EGFLAM: variants seen among roughly 807,000 people sequenced by gnomAD.
EGFLAM encodes EGF like, fibronectin type III and laminin G domains, also known as pikachurin.
A neutral mutation model predicts 113.1 loss-of-function variants in EGFLAM; 79 were observed. The ratio of observed to expected loss-of-function variants is 0.70; its 90% CI spans 0.58 to 0.84. The LOEUF is 0.84. EGFLAM is among the 40% of genes least tolerant of loss of function. The pLI is 0.00. For missense variants in EGFLAM, 1,265 were observed against 1,291.6 expected (o/e 0.98, Z 0.32); for synonymous variants, 504 against 487.6 (o/e 1.03, Z -0.44).
intron 17 of EGFLAM, chr5:38,445,458 A>G (rs1166643015): frequency 5.7e-6 from 8 of 1,409,900 alleles, no homozygotes; most frequent in Non-Finnish European, 7.4e-6. Flanking sequence ...AGAGGTGAGG[A>G]GGCGGGTGGC....
intron 1 of EGFLAM, among the ~76,000 whole-genome samples, chr5:38,324,726 A>C (rs1433312088): frequency 1.3e-5 from 2 of 152,160 alleles, no homozygotes; most frequent in Admixed American, 1.3e-4. Flanking sequence ...GTGGAAAGGG[A>C]AACCGTATCT....
intron 12 of EGFLAM, among the ~76,000 whole-genome samples, chr5:38,422,071 G>A (rs1262337797): frequency 6.6e-6 from 1 of 152,116 alleles, no homozygotes; most frequent in Non-Finnish European, 1.5e-5. Context: ...GTGGGCCTCG[G>A]TTACGGACTA....
At chr5:38,272,967 C>T (rs1010082316) in intron 1 of EGFLAM, among the ~76,000 whole-genome samples, 1 of 151,944 alleles carries the variant, frequency 6.6e-6, no homozygotes, top group Non-Finnish European at 1.5e-5. Flanking sequence ...ATAGGACTCT[C>T]CAGCAATCAT....
chr5:38,310,612 C>T (rs1317387144), intron 1 of EGFLAM, among the ~76,000 whole-genome samples: 1 of 151,760 alleles, frequency 6.6e-6, no homozygotes, highest in Non-Finnish European at 1.5e-5. Flanking sequence ...TATGATTTAA[C>T]TCCCAAAAAG....
At chr5:38,314,457 T>C (rs1024803781) in intron 1 of EGFLAM, among the ~76,000 whole-genome samples, 3 of 152,190 alleles carry the variant, frequency 2.0e-5, no homozygotes, top group Non-Finnish European at 2.9e-5. Context: ...ATGTGGGCAG[T>C]AGACGTATGC....
chr5:38,451,340 T>C lies in EGFLAM; in HGVS notation c.2569T>C (p.Phe857Leu). 1 of 1,614,204 alleles carries C rather than the reference T, an allele frequency of 6.2e-7. No homozygotes were observed. Among genetic ancestry groups the C allele is most frequent in the South Asian group, 1.1e-5 (1 of 91,082 alleles). Residue 857 changes from phenylalanine (F) to leucine (L), a missense_variant, in exon 19 of 22, where the codon TTC becomes CTC. Physicochemically the swap from Phe to Leu is conservative, Grantham distance 22. Transcript: ENST00000322350. Reference sequence around the variant, plus strand: ...GGTGTCAGGATCAAGATCAAATGTGTTCATGAGGTTTAAAACAACTGCCAA... The same window carrying C: ...GGTGTCAGGATCAAGATCAAATGTGCTCATGAGGTTTAAAACAACTGCCAA... ...KRVSGSRSNV[F>L]MRFKTTAKDG...
intron 17 of EGFLAM, among the ~76,000 whole-genome samples, chr5:38,447,362 C>A (rs1032933377): frequency 2.0e-5 from 3 of 152,292 alleles, no homozygotes; most frequent in East Asian, 1.9e-4. Flanking sequence ...GCAAATCCTC[C>A]ATGCTTTCTA....
rs951899665 is a variant in EGFLAM at position 38,445,407 on chromosome 5, C to T, written c.2465-2894C>T. On this transcript the variant is annotated intron_variant, in intron 17 of 21. Transcript: ENST00000322350. ...GTGTCAGACAGCTGATTCTAAACAT[C>T]TTCTTGGTCCACCGCCACGCCCACC... is the stretch of plus-strand genomic sequence containing the variant. The T allele has an allele frequency of 2.6e-5, 32 of 1,215,392 alleles. No individual in the cohort carries two copies. The South Asian group carries it at 6.2e-4, about 24-fold the overall frequency. The allele number at this position is 1,215,392 out of a possible 1,614,324, so 75.3% of individuals were successfully genotyped here.
At chr5:38,354,413 T>C (rs571080172) in intron 5 of EGFLAM, among the ~76,000 whole-genome samples, 1 of 152,292 alleles carries the variant, frequency 6.6e-6, no homozygotes, top group East Asian at 1.9e-4. Context: ...AAGCAAGATG[T>C]AATACTTTAA....
intron 1 of EGFLAM, among the ~76,000 whole-genome samples, chr5:38,310,236 T>TTG: frequency 6.6e-6 from 1 of 152,232 alleles, no homozygotes; most frequent in South Asian, 2.1e-4. Flanking sequence ...TGTTTTGCTC[T>TTG]GAGGTTGCTT....
intron 5 of EGFLAM, 81 bp from the exon 6 acceptor site, chr5:38,370,215 A>G (rs999502939): frequency 2.1e-6 from 3 of 1,420,572 alleles, no homozygotes; most frequent in Admixed American, 1.8e-5. Context: ...TTCAAATGCT[A>G]TTAGTTTACA....
chr5:38,267,150 A>G (rs74449617), intron 1 of EGFLAM, among the ~76,000 whole-genome samples: 47 of 152,328 alleles, frequency 3.1e-4, no homozygotes, highest in African/African-American at 1.1e-3. Flanking sequence ...CCTTATCTAA[A>G]GACACTTGAC....
chr5:38,325,427 C>G (rs983286524), intron 1 of EGFLAM, among the ~76,000 whole-genome samples: 1 of 152,198 alleles, frequency 6.6e-6, no homozygotes, highest in Non-Finnish European at 1.5e-5. Context: ...ACAAAGGAAA[C>G]AGACAAAGAT....
chr5:38,348,425 C>A (rs563124192), intron 3 of EGFLAM, among the ~76,000 whole-genome samples: 9 of 151,980 alleles, frequency 5.9e-5, no homozygotes, highest in African/African-American at 2.2e-4. Context: ...AGGAGGAACA[C>A]GAGAAGTAGA....
At chr5:38,262,602 C>G (rs1265674125) in intron 1 of EGFLAM, among the ~76,000 whole-genome samples, 1 of 152,168 alleles carries the variant, frequency 6.6e-6, no homozygotes, top group East Asian at 1.9e-4. Context: ...TGTGTCCACC[C>G]TCTGTCGCAT....
chr5:38,365,114 C>G (rs1740025422), intron 5 of EGFLAM, among the ~76,000 whole-genome samples: 1 of 152,184 alleles, frequency 6.6e-6, no homozygotes, highest in East Asian at 1.9e-4. Flanking sequence ...ATTTTCCTAG[C>G]AGGATTTAAC....
At chr5:38,306,453 A>G (rs963422037) in intron 1 of EGFLAM, among the ~76,000 whole-genome samples, 12 of 152,168 alleles carry the variant, frequency 7.9e-5, no homozygotes, top group African/African-American at 2.7e-4. Flanking sequence ...CTCACAGGAA[A>G]GCTACCGTTC....
At chr5:38,369,403 T>C (rs1034510309) in intron 5 of EGFLAM, among the ~76,000 whole-genome samples, 2 of 152,132 alleles carry the variant, frequency 1.3e-5, no homozygotes, top group Non-Finnish European at 2.9e-5. Context: ...CCACATAGGG[T>C]AGTGGTACCA....
intron 5 of EGFLAM, among the ~76,000 whole-genome samples, chr5:38,363,752 C>A (rs967275326): frequency 6.6e-6 from 1 of 152,144 alleles, no homozygotes; most frequent in Non-Finnish European, 1.5e-5. Context: ...TCCGAGAAGG[C>A]GTTCATAGGC....
Sources: allele counts gnomAD v4.1 joint callset (sites outside exome capture counted in the v4.1 genomes callset), GRCh38; gene constraint gnomAD v4.1.1; transcripts MANE v1.5; gene names NCBI Gene and HGNC (gene_info 2026-07-23, HGNC 2026-07-21).